Variants in CSGALNACT1 observed in about 807,000 individuals in gnomAD.
CSGALNACT1 encodes the protein chondroitin sulfate N-acetylgalactosaminyltransferase 1.
CSGALNACT1 carries 52 observed loss-of-function variants against 51.0 expected under a neutral mutation model. The observed-to-expected ratio is 1.02, with a 90% CI of 0.82 to 1.29. CSGALNACT1 has a LOEUF of 1.29. Ranked by LOEUF, CSGALNACT1 falls within the 50% of genes most tolerant of loss-of-function variation. CSGALNACT1 has a pLI of 0.00. For synonymous variants in CSGALNACT1, 341 were observed against 254.4 expected (o/e 1.34, Z -3.24); for missense variants, 935 against 679.2 (o/e 1.38, Z -4.19).
intron 1 of CSGALNACT1, among the ~76,000 whole-genome samples, chr8:19,711,604 A>G (rs1052839786): frequency 6.6e-6 from 1 of 152,228 alleles, no homozygotes; most frequent in African/African-American, 2.4e-5. Context: ...TGTACTTGCC[A>G]AATGGATCTT....
At chr8:19,751,841 G>C (rs2065047990) in intron 1 of CSGALNACT1, among the ~76,000 whole-genome samples, 1 of 152,034 alleles carries the variant, frequency 6.6e-6, no homozygotes, top group Non-Finnish European at 1.5e-5. Context: ...ATGATTGTAA[G>C]TTTCCTGAGG....
At chr8:19,607,759 G>A (rs1003110402) in intron 1 of CSGALNACT1, among the ~76,000 whole-genome samples, 6 of 152,214 alleles carry the variant, frequency 3.9e-5, no homozygotes, top group Non-Finnish European at 8.8e-5. Flanking sequence ...CTTAACTCCT[G>A]TGAGTCTCCA....
intron 1 of CSGALNACT1, among the ~76,000 whole-genome samples, chr8:19,669,514 C>T (rs750191897): frequency 3.3e-5 from 5 of 152,172 alleles, no homozygotes; most frequent in Non-Finnish European, 7.3e-5. Context: ...TGCAGTGGCA[C>T]GACCTTCCTT....
intron 1 of CSGALNACT1, among the ~76,000 whole-genome samples, chr8:19,632,130 A>G (rs537521646): frequency 1.3e-5 from 2 of 152,390 alleles, no homozygotes; most frequent in East Asian, 3.9e-4. Flanking sequence ...ACAAAGTGCA[A>G]AAACCAAATT....
intron 1 of CSGALNACT1, among the ~76,000 whole-genome samples, chr8:19,612,298 G>C (rs192268841): frequency 1.4e-4 from 21 of 151,192 alleles, no homozygotes; most frequent in African/African-American, 5.1e-4. Flanking sequence ...AGCCAAGATC[G>C]CACCACTGCA....
At chr8:19,458,393 C>T (rs142074249) in intron 5 of CSGALNACT1, 33 bp downstream of exon 4, 96 of 1,515,318 alleles carry the variant, frequency 6.3e-5, no homozygotes, top group Middle Eastern at 1.7e-4. Context: ...ACACATCATG[C>T]GGAGGAAGAT....
Position 19,440,082 on chromosome 8 carries a change from G to C in CSGALNACT1, c.852-151C>G, listed in dbSNP as rs147071514. ...GAGATGGGAATCCAGAACCTTTCTG[G>C]TTGGCCATTCCAACTATCTGTATTT... On this transcript the variant is annotated intron_variant, in intron 5 of 9. Transcript: ENST00000454498. 200 of 701,570 alleles carry C rather than the reference G, an allele frequency of 2.9e-4. 1 individual carries two copies. Among genetic ancestry groups the C allele is most frequent in the African/African-American group, 2.4e-3 (139 of 57,034 alleles). 43.5% of individuals were successfully genotyped at this position (701,570 alleles called of 1,614,324 possible). A position where few individuals can be genotyped will look rare whatever the true frequency, so the allele number is the denominator to read the frequency against.
chr8:19,516,303 G>C (rs1335990852), intron 3 of CSGALNACT1, among the ~76,000 whole-genome samples: 2 of 152,092 alleles, frequency 1.3e-5, no homozygotes, highest in Non-Finnish European at 2.9e-5. Context: ...TGTTCAGCTG[G>C]CAAGTAGCAG....
chr8:19,592,273 T>G (rs925615949), intron 2 of CSGALNACT1, among the ~76,000 whole-genome samples: 11 of 152,198 alleles, frequency 7.2e-5, no homozygotes, highest in Non-Finnish European at 1.5e-5. Context: ...ATGTTAAGTT[T>G]ACTGATGCTG....
rs181987270 is a variant in CSGALNACT1 at position 19,555,200 on chromosome 8, T to C, written c.-297+35960A>G. Among the ~76,000 whole-genome samples the C allele has an allele frequency of 5.9e-4, 88 of 149,476 alleles. 1 individual carries two copies. Among genetic ancestry groups the C allele is most frequent in the African/African-American group, 2.1e-3 (85 of 40,486 alleles). On this transcript the variant is annotated intron_variant, in intron 3 of 9. Transcript: ENST00000454498. ...TTTGAAATGAGCCGAGATCGCGCCA[T>C]TGCACTCCAGCCTGGGTGACAGAGC...
intron 1 of CSGALNACT1, among the ~76,000 whole-genome samples, chr8:19,636,430 G>T (rs755075942): frequency 6.6e-6 from 1 of 152,172 alleles, no homozygotes; most frequent in Non-Finnish European, 1.5e-5. Flanking sequence ...GGAAACGACT[G>T]TGTAAGCGAT....
At chr8:19,715,723 C>G (rs1454262957) in intron 1 of CSGALNACT1, among the ~76,000 whole-genome samples, 1 of 152,072 alleles carries the variant, frequency 6.6e-6, no homozygotes, top group Non-Finnish European at 1.5e-5. Context: ...GAAATGGGCA[C>G]ATCTTTCCTT....
At chr8:19,587,035 G>A (rs529613789) in intron 3 of CSGALNACT1, among the ~76,000 whole-genome samples, 1 of 152,300 alleles carries the variant, frequency 6.6e-6, no homozygotes, top group South Asian at 2.1e-4. Context: ...TCAGTATGGT[G>A]CAAACATTCA....
At chr8:19,408,764 T>C in intron 8 of CSGALNACT1, 70 bp from the exon 8 acceptor site, 1 of 1,369,340 alleles carries the variant, frequency 7.3e-7, no homozygotes, top group South Asian at 1.2e-5. Context: ...CACAAACTCC[T>C]GTGAGCCACC....
intron 3 of CSGALNACT1, among the ~76,000 whole-genome samples, chr8:19,540,179 T>A (rs183484972): frequency 3.6e-4 from 55 of 152,366 alleles, no homozygotes; most frequent in African/African-American, 1.3e-3. Context: ...TTTGGAATTG[T>A]TTCCTTGCTT....
intron 1 of CSGALNACT1, among the ~76,000 whole-genome samples, chr8:19,664,764 T>G (rs1243512223): frequency 6.6e-6 from 1 of 152,144 alleles, no homozygotes; most frequent in Non-Finnish European, 1.5e-5. Context: ...CTGGAGGTAA[T>G]TATCTCAAGT....
At chr8:19,425,115 G>C (rs2058571194) in intron 6 of CSGALNACT1, among the ~76,000 whole-genome samples, 1 of 152,300 alleles carries the variant, frequency 6.6e-6, no homozygotes, top group African/African-American at 2.4e-5. Context: ...GGCCGAGACA[G>C]GCAGATCACT....
At position 19,674,884 on chromosome 8, in the gene CSGALNACT1, G is replaced by C. The variant is rs567020654; in HGVS notation, c.-544+7589C>G. Among the ~76,000 whole-genome samples, 6 of 152,250 alleles carry C rather than the reference G, an allele frequency of 3.9e-5. No homozygotes were observed. In the South Asian group the frequency reaches 1.0e-3, roughly 26 times the overall value. On this transcript the variant is annotated intron_variant, in intron 1 of 9. Coordinates refer to the CSGALNACT1 transcript ENST00000332246. Reference sequence around the variant, plus strand: ...CTTAGATTTGGGTATGAGAGAATGAGAGGGGTCATGGATGAATCCAGAGTT... The same window carrying C: ...CTTAGATTTGGGTATGAGAGAATGACAGGGGTCATGGATGAATCCAGAGTT...
chr8:19,749,938 T>A (rs564316940), intron 1 of CSGALNACT1, among the ~76,000 whole-genome samples: 1 of 152,180 alleles, frequency 6.6e-6, no homozygotes, highest in Non-Finnish European at 1.5e-5. Flanking sequence ...AATCTGGAGA[T>A]GCACCAGGCT....
Sources: gnomAD v4.1 joint callset for allele counts (sites outside exome capture counted in the v4.1 genomes callset) on GRCh38, gnomAD v4.1.1 for gene constraint, MANE v1.5 for transcripts, NCBI Gene and HGNC (gene_info 2026-07-23, HGNC 2026-07-21) for gene names.